The following TSHZ2 variants were observed in gnomAD, a reference collection of about 807,000 sequenced individuals.
TSHZ2 encodes teashirt zinc finger homeobox 2.
TSHZ2 carries 21 observed loss-of-function variants against 74.4 expected under a neutral mutation model. That is an observed-to-expected ratio of 0.28 (90% CI 0.20 to 0.41). The LOEUF is 0.41. Ranked by LOEUF, TSHZ2 falls within the 10% of genes least tolerant of loss-of-function variation. The probability of loss-of-function intolerance (pLI) is 1.00; values close to 1 mark genes in which losing one functional copy is unlikely to be tolerated. For missense variants in TSHZ2, 1,244 were observed against 1,293.5 expected, an observed-to-expected ratio of 0.96 and a Z score of 0.59; for synonymous variants, 540 against 515.3, an observed-to-expected ratio of 1.05 and a Z score of -0.65.
chr20:53,146,535 T>A (rs943444194), intron 1 of TSHZ2, among the ~76,000 whole-genome samples: 2 of 152,208 alleles, frequency 1.3e-5, no homozygotes, highest in African/African-American at 4.8e-5. Context: ...GGATTGTCTT[T>A]TGAAACTGGT....
At chr20:53,444,781 C>G (rs962036620) in intron 2 of TSHZ2, among the ~76,000 whole-genome samples, 2 of 152,174 alleles carry the variant, frequency 1.3e-5, no homozygotes, top group African/African-American at 4.8e-5. Context: ...ACAGCTAGGA[C>G]TTTCCTACCA....
intron 1 of TSHZ2, among the ~76,000 whole-genome samples, chr20:53,122,516 G>A (rs951127032): frequency 1.3e-5 from 2 of 151,852 alleles, no homozygotes; most frequent in African/African-American, 2.4e-5. Flanking sequence ...AATCTTTTAC[G>A]GGGTCCTCTT....
chr20:53,061,431 A>C (rs2904295), intron 1 of TSHZ2, among the ~76,000 whole-genome samples: 89,904 of 151,934 alleles, frequency 0.59, 28,553 homozygotes, highest in African/African-American at 0.83. Context: ...ACAGAGGATC[A>C]TAAGAGATGA....
intron 2 of TSHZ2, among the ~76,000 whole-genome samples, chr20:53,485,941 G>C (rs1337977807): frequency 6.6e-6 from 1 of 152,104 alleles, no homozygotes; most frequent in East Asian, 1.9e-4. Context: ...GAGTGGCTTT[G>C]AGTACATTCA....
intron 1 of TSHZ2, among the ~76,000 whole-genome samples, chr20:53,025,212 G>T (rs1465470925): frequency 6.6e-6 from 1 of 151,508 alleles, no homozygotes; most frequent in Non-Finnish European, 1.5e-5. Flanking sequence ...CATCCTATTT[G>T]CTCATAGTAT....
intron 1 of TSHZ2, among the ~76,000 whole-genome samples, chr20:53,245,752 T>A (rs1172847845): frequency 2.0e-5 from 3 of 152,144 alleles, no homozygotes; most frequent in African/African-American, 7.2e-5. Context: ...ACAATACACT[T>A]CCTCTTTTGT....
chr20:52,995,371 G>T (rs1464032089), intron 1 of TSHZ2, among the ~76,000 whole-genome samples: 1 of 152,132 alleles, frequency 6.6e-6, no homozygotes, highest in African/African-American at 2.4e-5. Context: ...AATATTCTGG[G>T]GTTGACCTTA....
intron 2 of TSHZ2, among the ~76,000 whole-genome samples, chr20:53,373,359 G>C (rs996083423): frequency 6.6e-6 from 1 of 152,172 alleles, no homozygotes; most frequent in Non-Finnish European, 1.5e-5. Context: ...ATGCTGACCT[G>C]AGATGTTATT....
intron 2 of TSHZ2, among the ~76,000 whole-genome samples, chr20:53,323,273 A>C (rs1979345708): frequency 6.6e-6 from 1 of 152,184 alleles, no homozygotes; most frequent in Non-Finnish European, 1.5e-5. Flanking sequence ...ACATCTGCCA[A>C]AACAGACAGT....
intron 1 of TSHZ2, among the ~76,000 whole-genome samples, chr20:53,013,577 C>T (rs1982930968): frequency 6.6e-6 from 1 of 152,180 alleles, no homozygotes; most frequent in Admixed American, 6.5e-5. Context: ...TGCTACTGCA[C>T]CAGTAGACAC....
In TSHZ2 at chr20:53,470,354, T is replaced by C. The variant is rs542679561; in HGVS notation, c.*9-16790T>C. ...ACACAGAGATTTCTCTTAGGAAAAA[T>C]TAAATGAAACACTAATAATGAAATT... On this transcript the variant is annotated intron_variant, in intron 2 of 2. Coordinates refer to ENST00000371497, the MANE Select transcript of TSHZ2 (RefSeq NM_173485.6). Among the ~76,000 whole-genome samples, 4 of 152,312 alleles carry C rather than the reference T, an allele frequency of 2.6e-5. No homozygotes were observed. The South Asian group carries it at 8.3e-4, about 32-fold the overall frequency.
intron 1 of TSHZ2, among the ~76,000 whole-genome samples, chr20:53,031,320 C>T: frequency 6.6e-6 from 1 of 152,146 alleles, no homozygotes; most frequent in East Asian, 1.9e-4. Context: ...TAACAACATT[C>T]AGCCTTGTCA....
chr20:53,471,232 A>G (rs1320293344), intron 2 of TSHZ2, among the ~76,000 whole-genome samples: 2 of 151,444 alleles, frequency 1.3e-5, no homozygotes, highest in Admixed American at 1.3e-4. Flanking sequence ...TTTCTTTTGT[A>G]TTGTTTTAGT....
At chr20:53,438,114 T>TC (rs1984162311) in intron 2 of TSHZ2, among the ~76,000 whole-genome samples, 2 of 142,952 alleles carry the variant, frequency 1.4e-5, no homozygotes. Flanking sequence ...TTTTTTTTTT[T>TC]CTTTTTTTTT....
In TSHZ2 at chr20:53,360,587, TG is replaced by T. The variant is rs573144047; in HGVS notation, c.*8+104017del. 2.6e-5 allele frequency among the ~76,000 whole-genome samples: 4 copies of T among 152,326 alleles called. No individual in the cohort carries two copies. In the South Asian group the frequency reaches 6.2e-4, roughly 24 times the overall value. ...CATGGTTCCAAGATGGTGTGATTTT[TG>T]TCAGGGTTTTAATAATAACATCACA... On this transcript the variant is annotated intron_variant, in intron 2 of 2. Coordinates refer to ENST00000371497, the MANE Select transcript of TSHZ2 (RefSeq NM_173485.6).
intron 2 of TSHZ2, among the ~76,000 whole-genome samples, chr20:53,321,831 G>T (rs972726702): frequency 6.6e-6 from 1 of 152,194 alleles, no homozygotes; most frequent in Admixed American, 6.5e-5. Flanking sequence ...GTCATGGACA[G>T]TGTGGACCCG....
At chr20:53,018,492 C>T (rs1325373330) in intron 1 of TSHZ2, among the ~76,000 whole-genome samples, 1 of 152,128 alleles carries the variant, frequency 6.6e-6, no homozygotes, top group Admixed American at 6.5e-5. Flanking sequence ...AGGGGGAGGG[C>T]AGGACAGCAG....
intron 2 of TSHZ2, among the ~76,000 whole-genome samples, chr20:53,341,311 A>G (rs776608011): frequency 5.3e-5 from 8 of 152,124 alleles, no homozygotes; most frequent in Non-Finnish European, 1.2e-4. Flanking sequence ...TGCGATGCTG[A>G]GTTGTGCCAG....
At chr20:53,369,758 A>T (rs1294158667) in intron 2 of TSHZ2, among the ~76,000 whole-genome samples, 1 of 152,096 alleles carries the variant, frequency 6.6e-6, no homozygotes, top group African/African-American at 2.4e-5. Context: ...CATGTATTCA[A>T]ATATGACAAG....
Sources: allele counts gnomAD v4.1 joint callset (sites outside exome capture counted in the v4.1 genomes callset), GRCh38; gene constraint gnomAD v4.1.1; transcripts MANE v1.5; gene names NCBI Gene and HGNC (gene_info 2026-07-23, HGNC 2026-07-21).